CDK11B: variants seen among roughly 807,000 people sequenced by gnomAD.
The protein encoded by CDK11B is cyclin-dependent kinase 11B.
CDK11B carries 37 observed loss-of-function variants against 84.0 expected under a neutral mutation model. The observed-to-expected ratio is 0.44, with a 90% CI of 0.34 to 0.58. The LOEUF is 0.58. Ranked by LOEUF, CDK11B falls within the 20% of genes least tolerant of loss-of-function variation. The pLI, the probability that CDK11B is intolerant of heterozygous loss-of-function variation, is 0.02. For missense variants in CDK11B, 427 were observed against 834.0 expected, an observed-to-expected ratio of 0.51 and a Z score of 6.01; for synonymous variants, 269 against 309.8, an observed-to-expected ratio of 0.87 and a Z score of 1.38.
rs1639615256 is a variant in CDK11B at position 1,637,835 on chromosome 1, C to T, written c.1391G>A (p.Gly464Asp). Residue 464 changes from glycine (G) to aspartate (D), a missense_variant, in exon 13 of 20, where the codon GGC becomes GAC. Gly to Asp is a moderately conservative substitution (Grantham distance 94, BLOSUM62 -1). Coordinates refer to ENST00000341832, the MANE Select transcript of CDK11B (RefSeq NM_033486.3). ...CTCCCTCAGCGACGTGATCGGGAAG[C>T]CCTCCTTCTCCTTCTCCATCTTCAG... ...KRLKMEKEKEGFPITSLREIN... is the reference protein window; with the variant it reads ...KRLKMEKEKEDFPITSLREIN... 6.2e-7 allele frequency: 1 copy of T among 1,613,384 alleles called. No homozygotes were observed. The highest frequency in any genetic ancestry group is 1.1e-5 in the South Asian group (1 of 91,068).
rs1212256890 is a variant in CDK11B at position 1,650,268 on chromosome 1, C to CAAAAAAAAAAAAA, written c.356-644_356-632dup. Among the ~76,000 whole-genome samples, 409 of 45,564 alleles carry CAAAAAAAAAAAAA rather than the reference C, an allele frequency of 9.0e-3. 28 individuals carry two copies. The highest frequency in any genetic ancestry group is 0.022 in the African/African-American group (241 of 11,188). 29.9% of individuals were successfully genotyped at this position (45,564 alleles called of 152,430 possible). On this transcript the variant is annotated intron_variant, in intron 4 of 19. Coordinates refer to ENST00000341832, the MANE Select transcript of CDK11B (RefSeq NM_033486.3). Reference sequence around the variant, plus strand: ...CTGGGTGACAAGCAAGACTCCGTCCCAAAAAAAAAAAAAAAAGAAATTAAA... The same window carrying CAAAAAAAAAAAAA: ...CTGGGTGACAAGCAAGACTCCGTCCCAAAAAAAAAAAAAAAAAAAAAAAAAAAAAGAAATTAAA...
chr1:1,653,502 G>C (rs1019177596), intron 3 of CDK11B, among the ~76,000 whole-genome samples: 1 of 151,774 alleles, frequency 6.6e-6, no homozygotes, highest in Admixed American at 6.6e-5. Context: ...TGTATTTGTA[G>C]TAGAGACGGG....
chr1:1,637,024 G>C lies in CDK11B; in HGVS notation c.1693-20C>G. The C allele has an allele frequency of 6.2e-7, 1 of 1,613,040 alleles. No individual in the cohort carries two copies. Among genetic ancestry groups the C allele is most frequent in the East Asian group, 2.2e-5 (1 of 44,866 alleles). Reference sequence around the variant, plus strand: ...ACCCACCTGCAACGACAGATGGGCGGCTGTGAGTGGGCCCCGGCAGGTCTC... The same window carrying C: ...ACCCACCTGCAACGACAGATGGGCGCCTGTGAGTGGGCCCCGGCAGGTCTC... On this transcript the variant is annotated intron_variant, in intron 15 of 19. Coordinates refer to ENST00000341832, the MANE Select transcript of CDK11B (RefSeq NM_033486.3).
intron 10 of CDK11B, among the ~76,000 whole-genome samples, 154 bp downstream of exon 10, chr1:1,640,894 G>A (rs1405154119): frequency 2.6e-5 from 4 of 151,074 alleles, no homozygotes; most frequent in Non-Finnish European, 4.4e-5. Flanking sequence ...TGAGGAATGC[G>A]GGCCCCACCG....
intron 10 of CDK11B, 80 bp downstream of exon 10, chr1:1,640,968 C>T: frequency 1.3e-6 from 2 of 1,598,264 alleles, no homozygotes; most frequent in South Asian, 1.1e-5. Context: ...CCACGCTGCG[C>T]AGGACCGGCT....
intron 4 of CDK11B, 35 bp downstream of exon 4, chr1:1,652,404 G>C (rs1183736476): frequency 1.4e-6 from 2 of 1,473,506 alleles, no homozygotes; most frequent in East Asian, 2.7e-5. Context: ...AACCACACTT[G>C]AACATGATGT....
intron 1 of CDK11B, 53 bp from the exon 2 acceptor site, chr1:1,657,551 C>G: frequency 8.0e-7 from 1 of 1,242,898 alleles, no homozygotes; most frequent in Non-Finnish European, 1.1e-6. Context: ...AGCTATGGTG[C>G]TGAACACTTG....
chr1:1,655,863 C>T (rs373562526), intron 2 of CDK11B, among the ~76,000 whole-genome samples: 2 of 151,842 alleles, frequency 1.3e-5, no homozygotes, highest in Non-Finnish European at 2.9e-5. Flanking sequence ...AGCCTGGCGA[C>T]AGAGTTAGAC....
At chr1:1,643,687 A>G (rs1201779609) in intron 6 of CDK11B, among the ~76,000 whole-genome samples, 20 of 144,070 alleles carry the variant, frequency 1.4e-4, no homozygotes, top group South Asian at 2.2e-4. Context: ...TCCAGAGCTA[A>G]TAAGTACATG....
rs1641026477 is a variant in CDK11B, at chr1:1,645,892, G to A, written c.495-630C>T. On this transcript the variant is annotated intron_variant, in intron 5 of 19. Coordinates refer to ENST00000341832, the MANE Select transcript of CDK11B (RefSeq NM_033486.3). ...CTTGGTTTGTCACCCAGGCTGGAGT[G>A]CAGTGGCGCAATCTCGGCTCACTGC... is the stretch of plus-strand genomic sequence containing the variant. The A allele has an allele frequency of 1.7e-5, 6 of 350,266 alleles. No homozygotes were observed. The East Asian group carries it at 2.3e-4, about 13-fold the overall frequency. The allele number at this position is 350,266 out of a possible 1,614,324, so 21.7% of individuals were successfully genotyped here.
chr1:1,647,216 G>A (rs1328772180), intron 5 of CDK11B, among the ~76,000 whole-genome samples: 5 of 152,172 alleles, frequency 3.3e-5, no homozygotes, highest in Non-Finnish European at 7.3e-5. Flanking sequence ...TTGTTTCCAA[G>A]CCTTTACTAA....
chr1:1,655,211 CAT>C (rs746227473), intron 3 of CDK11B, 156 bp downstream of exon 3: 9 of 921,768 alleles, frequency 9.8e-6, no homozygotes, highest in Non-Finnish European at 1.4e-5. Flanking sequence ...ACAACTGTGA[CAT>C]AAAAACCTCA....
chr1:1,645,898 G>A lies in CDK11B; in HGVS notation c.495-636C>T, dbSNP rs201293772. On this transcript the variant is annotated intron_variant, in intron 5 of 19. Transcript: ENST00000341832. ...TTGTCACCCAGGCTGGAGTGCAGTG[G>A]CGCAATCTCGGCTCACTGCAACCTC... 6.3e-3 allele frequency: 2,206 copies of A among 349,748 alleles called. 15 individuals carry two copies. The highest frequency in any genetic ancestry group is 0.036 in the South Asian group (1,609 of 44,746). 21.7% of individuals were successfully genotyped at this position (349,748 alleles called of 1,614,324 possible). A position where few individuals can be genotyped will look rare whatever the true frequency, so the allele number is the denominator to read the frequency against.
intron 13 of CDK11B, 87 bp downstream of exon 13, chr1:1,637,675 T>C (rs1639586863): frequency 6.2e-7 from 1 of 1,611,226 alleles, no homozygotes; most frequent in Non-Finnish European, 8.5e-7. Context: ...TGCAGGAGAG[T>C]GTAGGAAGCA....
At position 1,636,315 on chromosome 1, in the gene CDK11B, C is replaced by T. The variant is rs1472118924; in HGVS notation, c.2066+18G>A. The T allele has an allele frequency of 1.5e-5, 23 of 1,552,798 alleles. No individual in the cohort carries two copies. Among genetic ancestry groups the T allele is most frequent in the East Asian group, 9.7e-5 (4 of 41,140 alleles). On this transcript the variant is annotated intron_variant, in intron 18 of 19. Coordinates refer to ENST00000341832, the MANE Select transcript of CDK11B (RefSeq NM_033486.3). The stretch of plus-strand genomic sequence containing the variant: ...CTATGGCTCGGGACCTCCCGCCACC[C>T]GGCTGCACTGGGCTCACTTGTTCAT...
chr1:1,641,038 A>T lies in CDK11B; in HGVS notation c.1075+10T>A, dbSNP rs757344346. The T allele has an allele frequency of 7.6e-6, 12 of 1,570,724 alleles. No homozygotes were observed. The East Asian group carries it at 2.3e-4, about 29-fold the overall frequency. On this transcript the variant is annotated intron_variant, in intron 10 of 19. Transcript: ENST00000341832. ...CAAGGAGGGGGCTCTGTCTCCAGGG[A>T]GGTTCTTACCAACCAAGAGGTGGTT...
chr1:1,657,335 C>A, intron 2 of CDK11B, 40 bp downstream of exon 2: 2 of 1,613,274 alleles, frequency 1.2e-6, no homozygotes, highest in South Asian at 1.1e-5. Context: ...GAAATTAAAT[C>A]TCCTTTAAGA....
intron 6 of CDK11B, among the ~76,000 whole-genome samples, chr1:1,643,361 AG>A (rs1640541860): frequency 6.8e-6 from 1 of 147,828 alleles, no homozygotes; most frequent in South Asian, 2.2e-4. Context: ...CAAAACAACA[AG>A]TGCACACCCT....
chr1:1,638,022 C>T (rs1218684475), intron 12 of CDK11B, 139 bp from the exon 13 acceptor site: 107 of 1,452,702 alleles, frequency 7.4e-5, no homozygotes, highest in South Asian at 3.3e-4. Flanking sequence ...GGTGGGGGCA[C>T]GTGGGCACCA....
Sources: allele counts gnomAD v4.1 joint callset (sites outside exome capture counted in the v4.1 genomes callset), GRCh38; gene constraint gnomAD v4.1.1; transcripts MANE v1.5; gene names NCBI Gene and HGNC (gene_info 2026-07-23, HGNC 2026-07-21).